The following ST6GAL1 variants were observed in gnomAD, a reference collection of about 807,000 sequenced individuals.
The protein encoded by ST6GAL1 is ST6 beta-galactoside alpha-2,6-sialyltransferase 1.
Under a neutral mutation model 38.0 loss-of-function variants are expected in ST6GAL1, and 20 were observed. The ratio of observed to expected loss-of-function variants is 0.53; its 90% CI spans 0.37 to 0.77. ST6GAL1 has a LOEUF of 0.77. ST6GAL1 is among the 30% of genes least tolerant of loss of function. The probability of loss-of-function intolerance (pLI) is 0.00; values close to 1 mark genes in which losing one functional copy is unlikely to be tolerated. For synonymous variants in ST6GAL1, 196 were observed against 188.2 expected (o/e 1.04, Z -0.34); for missense variants, 432 against 496.4 (o/e 0.87, Z 1.23).
intron 5 of ST6GAL1, chr3:187,072,153 G>A (rs1658290501): frequency 6.5e-6 from 1 of 152,730 alleles, no homozygotes; most frequent in African/African-American, 2.4e-5. Context: ...AGCCAGTGTG[G>A]TGGGGAGAGG....
chr3:187,050,533 A>G (rs974286229), intron 4 of ST6GAL1, among the ~76,000 whole-genome samples: 3 of 107,748 alleles, frequency 2.8e-5, no homozygotes, highest in Admixed American at 2.7e-4. Flanking sequence ...GCTTACAAAG[A>G]AAGAGAGAGA....
chr3:187,075,842 A>C lies in ST6GAL1; in HGVS notation c.*39A>C. ...ACTCTTCTCCATCAGGCATTAAATG[A>C]ATGGTCTCTTGGCCACCCCAGCCTG... On this transcript the variant is annotated 3_prime_UTR_variant, in exon 8 of 8. Transcript: ENST00000169298. The surrounding 1 kb of genome is among the most constrained non-coding windows in gnomAD (Gnocchi z 4.1). 6.2e-7 allele frequency: 1 copy of C among 1,608,398 alleles called. No homozygotes were observed. The highest frequency in any genetic ancestry group is 1.7e-4 in the Middle Eastern group (1 of 6,004).
intron 2 of ST6GAL1, among the ~76,000 whole-genome samples, chr3:187,022,684 C>G (rs532115250): frequency 6.6e-6 from 1 of 152,252 alleles, no homozygotes; most frequent in Non-Finnish European, 1.5e-5. Flanking sequence ...TGCACGTTTC[C>G]CCCACCAAAG....
chr3:186,961,514 C>CA (rs1479742477), intron 1 of ST6GAL1, among the ~76,000 whole-genome samples: 1 of 152,134 alleles, frequency 6.6e-6, no homozygotes, highest in Admixed American at 6.5e-5. Flanking sequence ...GCAGGGTGGG[C>CA]AGGTAGAATG....
At chr3:187,045,563 C>A (rs1718266118) in intron 4 of ST6GAL1, among the ~76,000 whole-genome samples, 2 of 152,124 alleles carry the variant, frequency 1.3e-5, no homozygotes, top group South Asian at 4.1e-4. Context: ...TCCCAGAAGT[C>A]CTGTGAGGTT....
At chr3:187,026,156 T>G (rs568254915) in intron 2 of ST6GAL1, among the ~76,000 whole-genome samples, 2 of 152,382 alleles carry the variant, frequency 1.3e-5, no homozygotes, top group African/African-American at 4.8e-5. Context: ...GTCGGTTTCT[T>G]GTTGCATATC....
At position 187,074,211 on chromosome 3, in the gene ST6GAL1, A is replaced by G; in HGVS notation, c.857A>G (p.Lys286Arg). The change falls in exon 7 of 8, where the codon AAG becomes AGG. Residue 286 changes from lysine to arginine, a missense_variant. Transcript: ENST00000169298. ...TTTAACAACTACAAGACTTATCGTA[A>G]GCTGCACCCCAATCAGCCCTTTTAC... ...NFFNNYKTYRKLHPNQPFYIL... is the reference protein window; with the variant it reads ...NFFNNYKTYRRLHPNQPFYIL... 1 of 1,612,824 alleles carries G rather than the reference A, an allele frequency of 6.2e-7. No homozygotes were observed.
Position 187,075,932 on chromosome 3 carries a change from A to G in ST6GAL1, c.*129A>G. 1 of 1,402,316 alleles carries G rather than the reference A, an allele frequency of 7.1e-7. No homozygotes were observed. Among genetic ancestry groups the G allele is most frequent in the Non-Finnish European group, 9.5e-7 (1 of 1,051,106 alleles). 86.9% of individuals were successfully genotyped at this position (1,402,316 alleles called of 1,614,324 possible). On this transcript the variant is annotated 3_prime_UTR_variant, in exon 8 of 8. Transcript: ENST00000169298. The surrounding 1 kb of genome is among the most constrained non-coding windows in gnomAD (Gnocchi z 4.1). The stretch of plus-strand genomic sequence containing the variant: ...TACTCTAGGGGCCTCTGTCAGCAAG[A>G]CCATGGGGACTTCAAGAGCCTGTGG...
chr3:187,022,624 C>G (rs1717369379), intron 2 of ST6GAL1, among the ~76,000 whole-genome samples: 1 of 152,110 alleles, frequency 6.6e-6, no homozygotes, highest in African/African-American at 2.4e-5. Context: ...TCTCCTAGAT[C>G]TGGGAAAGGC....
chr3:186,940,846 A>G (rs1488730675), intron 1 of ST6GAL1, among the ~76,000 whole-genome samples: 2 of 149,190 alleles, frequency 1.3e-5, no homozygotes, highest in African/African-American at 2.5e-5. Context: ...TACCTTACCA[A>G]TCTTCTGTTG....
At chr3:187,040,097 G>T (rs1389076448) in intron 3 of ST6GAL1, among the ~76,000 whole-genome samples, 2 of 152,200 alleles carry the variant, frequency 1.3e-5, no homozygotes, top group African/African-American at 4.8e-5. Context: ...GTGAAAGTCA[G>T]GTTCTAAGTC....
intron 1 of ST6GAL1, among the ~76,000 whole-genome samples, chr3:186,931,837 C>T (rs143487787): frequency 6.6e-6 from 1 of 152,166 alleles, no homozygotes; most frequent in South Asian, 2.1e-4. Flanking sequence ...TAGCTGGGGA[C>T]GTACAATTTT....
chr3:186,974,597 G>C (rs1715458988), intron 2 of ST6GAL1, among the ~76,000 whole-genome samples: 1 of 152,058 alleles, frequency 6.6e-6, no homozygotes, highest in Non-Finnish European at 1.5e-5. Context: ...TCCGTCATTA[G>C]TGGGGTCAGC....
At chr3:187,055,286 T>G (rs1176542095) in intron 5 of ST6GAL1, among the ~76,000 whole-genome samples, 3 of 152,108 alleles carry the variant, frequency 2.0e-5, no homozygotes, top group African/African-American at 7.2e-5. Flanking sequence ...TTTGAAGAGT[T>G]TTTTGTGTCT....
intron 1 of ST6GAL1, among the ~76,000 whole-genome samples, chr3:186,960,166 A>G (rs767899137): frequency 4.6e-5 from 7 of 152,228 alleles, no homozygotes; most frequent in Non-Finnish European, 7.3e-5. Flanking sequence ...TACTTGAAGG[A>G]AACACTTGCT....
At chr3:186,972,575 C>G (rs1715387286) in intron 2 of ST6GAL1, among the ~76,000 whole-genome samples, 1 of 151,988 alleles carries the variant, frequency 6.6e-6, no homozygotes, top group Non-Finnish European at 1.5e-5. Flanking sequence ...GTGTACATTA[C>G]CTGCACTAGG....
At chr3:186,947,501 G>A (rs986518343) in intron 1 of ST6GAL1, among the ~76,000 whole-genome samples, 1 of 152,014 alleles carries the variant, frequency 6.6e-6, no homozygotes, top group Non-Finnish European at 1.5e-5. Flanking sequence ...AAAAATAATT[G>A]TATAGGTAAA....
chr3:186,955,429 G>A (rs1714714332), intron 1 of ST6GAL1, among the ~76,000 whole-genome samples: 1 of 151,990 alleles, frequency 6.6e-6, no homozygotes, highest in Admixed American at 6.6e-5. Context: ...TGGGTGGTAT[G>A]GCCATTTTCA....
At chr3:186,975,962 C>T (rs899176108) in intron 2 of ST6GAL1, among the ~76,000 whole-genome samples, 28 of 152,224 alleles carry the variant, frequency 1.8e-4, no homozygotes, top group African/African-American at 6.3e-4. Flanking sequence ...TGAGGACAGC[C>T]TCCCAGCCTC....
Sources: gnomAD v4.1 joint callset for allele counts (sites outside exome capture counted in the v4.1 genomes callset) on GRCh38, gnomAD v4.1.1 for gene constraint, Gnocchi (gnomAD v3.1) non-coding constraint, MANE v1.5 for transcripts, NCBI Gene and HGNC (gene_info 2026-07-23, HGNC 2026-07-21) for gene names.